The following XYLT1 variants were observed in gnomAD, a reference collection of about 807,000 sequenced individuals.
The protein encoded by XYLT1 is beta-D-xylosyltransferase 1.
In XYLT1, 36 loss-of-function variants were observed where a neutral mutation model predicts 91.3. The ratio of observed to expected loss-of-function variants is 0.39; its 90% confidence interval spans 0.30 to 0.52. The LOEUF is 0.52. XYLT1 is among the 20% of genes least tolerant of loss of function. The probability of loss-of-function intolerance (pLI) is 0.68; values close to 1 mark genes in which losing one functional copy is unlikely to be tolerated. For missense variants in XYLT1, 1,242 were observed against 1,284.5 expected (o/e 0.97, Z 0.51); for synonymous variants, 588 against 532.0 (o/e 1.11, Z -1.45).
chr16:17,148,291 C>T (rs1695565833), intron 6 of XYLT1, among the ~76,000 whole-genome samples: 1 of 152,234 alleles, frequency 6.6e-6, no homozygotes, highest in African/African-American at 2.4e-5. Flanking sequence ...CATCCCTCCC[C>T]CATGCCTGGC....
chr16:17,207,440 TG>T (rs879571322), intron 3 of XYLT1, among the ~76,000 whole-genome samples: 2 of 152,142 alleles, frequency 1.3e-5, no homozygotes, highest in Non-Finnish European at 2.9e-5. Context: ...ATGCCAGCCT[TG>T]CCCCTGGACC....
At chr16:17,425,772 C>G (rs1472788490) in intron 1 of XYLT1, among the ~76,000 whole-genome samples, 1 of 152,128 alleles carries the variant, frequency 6.6e-6, no homozygotes, top group Admixed American at 6.5e-5. Flanking sequence ...CAGGCTGTTC[C>G]CTGAGTCCTG....
intron 1 of XYLT1, among the ~76,000 whole-genome samples, chr16:17,446,917 C>A (rs2036598343): frequency 6.6e-6 from 1 of 151,180 alleles, no homozygotes; most frequent in Admixed American, 6.6e-5. Flanking sequence ...TGAACCAGAC[C>A]CAGGGGAGCC....
At chr16:17,184,185 C>CTTTTTTTTTT (rs71390593) in intron 5 of XYLT1, among the ~76,000 whole-genome samples, 1 of 107,490 alleles carries the variant, frequency 9.3e-6, no homozygotes, top group African/African-American at 3.7e-5. Context: ...TAAAAGACGG[C>CTTTTTTTTTT]TTTTTTTTTT....
intron 1 of XYLT1, among the ~76,000 whole-genome samples, chr16:17,454,006 T>C (rs1475758118): frequency 6.6e-6 from 1 of 152,240 alleles, no homozygotes; most frequent in African/African-American, 2.4e-5. Flanking sequence ...CTCTGAATTT[T>C]GCAAGACTAA....
At chr16:17,194,951 C>G (rs919759872) in intron 5 of XYLT1, among the ~76,000 whole-genome samples, 8 of 152,226 alleles carry the variant, frequency 5.3e-5, no homozygotes, top group Non-Finnish European at 8.8e-5. Context: ...TTGCCATGTA[C>G]TTGTCTAAAC....
rs756196023 is a variant in XYLT1 at position 17,401,758 on chromosome 16, C to T, written c.364-43708G>A. Among the ~76,000 whole-genome samples the T allele has an allele frequency of 3.4e-4, 51 of 151,768 alleles. 2 individuals are homozygous for T. Among genetic ancestry groups the T allele is most frequent in the Middle Eastern group, 3.2e-3 (1 of 316 alleles). On this transcript the variant is annotated intron_variant, in intron 1 of 11. Transcript: ENST00000261381. ...TATCAACTTCCACAACATTTAGGAG[C>T]ACTAAACATTTATGGAATGTTTCTT...
At chr16:17,426,376 A>G (rs1250043472) in intron 1 of XYLT1, among the ~76,000 whole-genome samples, 1 of 152,110 alleles carries the variant, frequency 6.6e-6, no homozygotes, top group Non-Finnish European at 1.5e-5. Flanking sequence ...CCTGGCCAAC[A>G]TGGTGACACC....
intron 2 of XYLT1, among the ~76,000 whole-genome samples, chr16:17,324,483 T>C (rs1259582301): frequency 6.6e-6 from 1 of 152,120 alleles, no homozygotes; most frequent in African/African-American, 2.4e-5. Flanking sequence ...GGGTGCTAAT[T>C]TTGTAAAATA....
chr16:17,200,486 T>C lies in XYLT1; in HGVS notation c.1082A>G (p.Asp361Gly). ...HKDHFYYIHV[D>G]KRSNYLHRQV... ...GTGATCACAGAGGCCTCTCACCTTG[T>C]CCACGTGGATGTAGTAGAAGTGGTC... The change falls in exon 4 of 12, where the codon GAC becomes GGC. Residue 361 changes from aspartate to glycine, a missense_variant. Physicochemically the swap from Asp to Gly is moderately conservative, Grantham distance 94. This residue lies in a region of XYLT1 where 294 missense variants were observed against 376.0 expected (regional missense o/e 0.78). Transcript: ENST00000261381. 6.2e-7 allele frequency: 1 copy of C among 1,612,724 alleles called. No homozygotes were observed. Among genetic ancestry groups the C allele is most frequent in the Non-Finnish European group, 8.5e-7 (1 of 1,178,804 alleles).
chr16:17,444,000 C>T (rs753714027), intron 1 of XYLT1, among the ~76,000 whole-genome samples: 18 of 152,178 alleles, frequency 1.2e-4, no homozygotes, highest in Non-Finnish European at 2.1e-4. Context: ...CCAGGCTCCC[C>T]TCACTCAATG....
intron 1 of XYLT1, among the ~76,000 whole-genome samples, chr16:17,419,468 A>T (rs1340168071): frequency 6.6e-6 from 1 of 152,068 alleles, no homozygotes; most frequent in African/African-American, 2.4e-5. Flanking sequence ...GAATGGGCAT[A>T]GCTGTGTTCC....
At chr16:17,177,923 G>T (rs954499053) in intron 5 of XYLT1, among the ~76,000 whole-genome samples, 1 of 152,196 alleles carries the variant, frequency 6.6e-6, no homozygotes, top group Non-Finnish European at 1.5e-5. Context: ...TGCTTTTAGC[G>T]GGGGAGCAGA....
chr16:17,241,013 T>G (rs935223782), intron 3 of XYLT1, among the ~76,000 whole-genome samples: 3 of 152,174 alleles, frequency 2.0e-5, no homozygotes, highest in African/African-American at 7.2e-5. Flanking sequence ...TATTCCATGT[T>G]TTTGGAGCCA....
chr16:17,282,415 G>A (rs755632640), intron 2 of XYLT1, among the ~76,000 whole-genome samples: 1 of 152,160 alleles, frequency 6.6e-6, no homozygotes, highest in African/African-American at 2.4e-5. Context: ...AAGAGGAAAA[G>A]CATTTTTAGA....
intron 4 of XYLT1, 139 bp downstream of exon 4, chr16:17,200,343 G>A (rs978749492): frequency 2.4e-5 from 26 of 1,066,676 alleles, no homozygotes; most frequent in Non-Finnish European, 3.4e-5. Context: ...CACACGCTCT[G>A]TGGAGAGGCA....
intron 1 of XYLT1, among the ~76,000 whole-genome samples, chr16:17,390,565 G>A (rs1454731696): frequency 6.6e-6 from 1 of 152,240 alleles, no homozygotes; most frequent in Non-Finnish European, 1.5e-5. Context: ...AGTGAAAGAG[G>A]TCTGATCTAA....
At chr16:17,186,865 G>T (rs766200852) in intron 5 of XYLT1, among the ~76,000 whole-genome samples, 1 of 152,158 alleles carries the variant, frequency 6.6e-6, no homozygotes, top group South Asian at 2.1e-4. Flanking sequence ...CAGGTGTAAG[G>T]TGAAGAGGGT....
chr16:17,150,766 T>C (rs1351715155), intron 6 of XYLT1, among the ~76,000 whole-genome samples: 1 of 151,982 alleles, frequency 6.6e-6, no homozygotes, highest in African/African-American at 2.4e-5. Flanking sequence ...TAAAATTACA[T>C]GCTATATAGG....
Sources: gnomAD v4.1 joint callset for allele counts (sites outside exome capture counted in the v4.1 genomes callset) on GRCh38, gnomAD v4.1.1 for gene constraint, gnomAD v4.1.1 regional missense constraint, MANE v1.5 for transcripts, NCBI Gene and HGNC (gene_info 2026-07-23, HGNC 2026-07-21) for gene names.